The following PLEKHG4B variants were observed in gnomAD, a reference collection of about 807,000 sequenced individuals.
PLEKHG4B encodes pleckstrin homology and RhoGEF domain containing G4B.
PLEKHG4B carries 111 observed loss-of-function variants against 121.3 expected under a neutral mutation model. The ratio of observed to expected loss-of-function variants is 0.92; its 90% confidence interval spans 0.78 to 1.07. PLEKHG4B has a LOEUF of 1.07. Among genes scored for constraint, PLEKHG4B ranks in the 50% least tolerant of loss-of-function variants. PLEKHG4B has a pLI of 0.00. For synonymous variants in PLEKHG4B, 738 were observed against 725.0 expected (o/e 1.02, Z -0.29); for missense variants, 1,831 against 1,757.8 (o/e 1.04, Z -0.74).
At position 159,658 on chromosome 5, in the gene PLEKHG4B, C is replaced by A. The variant is rs932008423; in HGVS notation, c.2488-2125C>A. On this transcript the variant is annotated intron_variant, in intron 11 of 19. Transcript: ENST00000637938. The surrounding 1 kb of genome is among the most constrained non-coding windows in gnomAD (Gnocchi z 5.5). ...TGGCGCCAGAGGCTTTCCTGGCGAC[C>A]CCTGGCTAGGAAGCCTGTGGCCCAC... Among the ~76,000 whole-genome samples, 3 of 152,120 alleles carry A rather than the reference C, an allele frequency of 2.0e-5. No homozygotes were observed. The highest frequency in any genetic ancestry group is 4.8e-5 in the African/African-American group (2 of 41,426).
intron 2 of PLEKHG4B, among the ~76,000 whole-genome samples, chr5:131,562 C>T (rs902849914): frequency 3.3e-5 from 5 of 152,196 alleles, no homozygotes; most frequent in South Asian, 2.1e-4. Flanking sequence ...TGAATAGTGC[C>T]GCAGTAAACA....
intron 11 of PLEKHG4B, among the ~76,000 whole-genome samples, chr5:160,587 A>T (rs530820317): frequency 6.6e-6 from 1 of 152,076 alleles, no homozygotes; most frequent in African/African-American, 2.4e-5. Flanking sequence ...TCTAGGGTTG[A>T]TCATCACTTC....
intron 18 of PLEKHG4B, among the ~76,000 whole-genome samples, chr5:180,494 G>C (rs777187077): frequency 2.6e-5 from 4 of 152,220 alleles, no homozygotes; most frequent in Admixed American, 6.5e-5. Context: ...AGTGCCCTGA[G>C]GGGTAGAAAG....
At chr5:173,646 C>T (rs1168167864) in intron 17 of PLEKHG4B, among the ~76,000 whole-genome samples, 2 of 152,002 alleles carry the variant, frequency 1.3e-5, no homozygotes, top group African/African-American at 2.4e-5. Context: ...AGGGACAGTC[C>T]TGTACAGTCT....
At chr5:109,031 C>G (rs563217234) in intron 1 of PLEKHG4B, among the ~76,000 whole-genome samples, 7 of 152,272 alleles carry the variant, frequency 4.6e-5, no homozygotes, top group South Asian at 2.1e-4. Context: ...CATTCACCAC[C>G]CTGCTGTGCT....
Position 174,043 on chromosome 5 carries a change from T to C in PLEKHG4B, c.4347T>C (p.Ser1449=). ...ILQASSAEVK[S]AWTDVIGRIL... is the part of the protein sequence containing the mutation. ...AAGCAAGCTCGGCAGAGGTCAAGAGTGCATGGACCGATGTCATAGGGAGGA... is the reference window on the plus strand; with the variant it reads ...AAGCAAGCTCGGCAGAGGTCAAGAGCGCATGGACCGATGTCATAGGGAGGA... Residue 1449 remains serine, a synonymous_variant, in exon 18 of 20, where the codon AGT becomes AGC. Coordinates refer to ENST00000637938, the MANE Select transcript of PLEKHG4B (RefSeq NM_052909.5). The C allele has an allele frequency of 6.2e-7, 1 of 1,601,242 alleles. No individual in the cohort carries two copies. The highest frequency in any genetic ancestry group is 8.5e-7 in the Non-Finnish European group (1 of 1,175,110).
In PLEKHG4B at chr5:156,918, G is replaced by A; in HGVS notation, c.2487+7G>A. ...CCTGGAAGGGAATGACCAGGTCAGA[G>A]CTGCAGGAGGAAGGCGGCCCGGTCA... On this transcript the variant is annotated splice_region_variant and intron_variant, in intron 11 of 19. Coordinates refer to ENST00000637938, the MANE Select transcript of PLEKHG4B (RefSeq NM_052909.5). This position sits in a 1 kb window ranked among gnomAD's most constrained non-coding sequence, Gnocchi z 4.4. 1.2e-6 allele frequency: 2 copies of A among 1,611,386 alleles called. No homozygotes were observed.
At position 181,756 on chromosome 5, in the gene PLEKHG4B, G is replaced by A. The variant is rs184600943; in HGVS notation, c.4564+81G>A. 3,831 of 1,529,754 alleles carry A rather than the reference G, an allele frequency of 2.5e-3. 144 individuals carry two copies. The Admixed American group carries it at 0.066, about 26-fold the overall frequency. The allele number at this position is 1,529,754 out of a possible 1,614,324, so 94.8% of individuals were successfully genotyped here. A position where few individuals can be genotyped will look rare whatever the true frequency, so the allele number is the denominator to read the frequency against. Reference sequence around the variant, plus strand: ...TCAAGGGCATGGGTACGGTGGCATCGGCCCCACCCTCACTCGCCCACAGAG... The same window carrying A: ...TCAAGGGCATGGGTACGGTGGCATCAGCCCCACCCTCACTCGCCCACAGAG... On this transcript the variant is annotated intron_variant, in intron 19 of 19. Transcript: ENST00000637938.
chr5:150,025 C>T (rs913024796), intron 6 of PLEKHG4B, among the ~76,000 whole-genome samples: 1 of 152,112 alleles, frequency 6.6e-6, no homozygotes, highest in Non-Finnish European at 1.5e-5. Flanking sequence ...GGTATATACC[C>T]AAGAAATTGA....
chr5:112,779 G>C (rs529818652), intron 1 of PLEKHG4B, among the ~76,000 whole-genome samples: 4 of 152,356 alleles, frequency 2.6e-5, no homozygotes, highest in Non-Finnish European at 4.4e-5. Flanking sequence ...GCGTGGGCCA[G>C]CTTTGTCCTC....
In PLEKHG4B at chr5:160,451, C is replaced by T. The variant is rs576937505; in HGVS notation, c.2488-1332C>T. Among the ~76,000 whole-genome samples the T allele has an allele frequency of 5.3e-5, 8 of 152,156 alleles. No individual in the cohort carries two copies. In the East Asian group the frequency reaches 5.9e-4, roughly 11 times the overall value. On this transcript the variant is annotated intron_variant, in intron 11 of 19. Transcript: ENST00000637938. ...CGCACCTGCCTCCCGCCGGCTGCCC[C>T]GTGGGGAAATGGAGCCCCTAAACAG...
intron 1 of PLEKHG4B, among the ~76,000 whole-genome samples, chr5:107,511 A>G (rs908425876): frequency 6.6e-6 from 1 of 152,198 alleles, no homozygotes; most frequent in South Asian, 2.1e-4. Flanking sequence ...TCCCTTACCC[A>G]TCTGCTCATG....
rs772090730 is a variant in PLEKHG4B at position 173,080 on chromosome 5, C to G, written c.4221+13C>G. On this transcript the variant is annotated intron_variant, in intron 17 of 19. Transcript: ENST00000637938. ...GCAGTCCTTCAAGGTAGCACCCGCC[C>G]GGTCCGATTGGGTGCAGGCCGAGCC... The G allele has an allele frequency of 1.2e-6, 2 of 1,612,646 alleles. No homozygotes were observed. Among genetic ancestry groups the G allele is most frequent in the South Asian group, 1.1e-5 (1 of 91,012 alleles).
In PLEKHG4B at chr5:156,076, C is replaced by T. The variant is rs746721813; in HGVS notation, c.2214C>T (p.Val738=). ...THRTPRTAQE[V]AELIDQHETM... is the part of the protein sequence containing the mutation. ...TTCCTCCCCATCCCGTGCAGGAAGT[C>T]GCCGAGTTAATTGACCAGCATGAGA... Residue 738 remains valine (V), a synonymous_variant, in exon 10 of 20, where the codon GTC becomes GTT. Transcript: ENST00000637938. This position sits in a 1 kb window ranked among gnomAD's most constrained non-coding sequence, Gnocchi z 4.4. The T allele has an allele frequency of 4.4e-6, 7 of 1,578,412 alleles. No homozygotes were observed. Among genetic ancestry groups the T allele is most frequent in the African/African-American group, 1.4e-5 (1 of 72,706 alleles).
At chr5:150,811 ATACT>A (rs1255918549) in intron 6 of PLEKHG4B, among the ~76,000 whole-genome samples, 4 of 152,340 alleles carry the variant, frequency 2.6e-5, no homozygotes, top group Non-Finnish European at 2.9e-5. Context: ...ACTCTGGAAA[ATACT>A]TACTTATCAC....
chr5:178,372 C>T lies in PLEKHG4B; in HGVS notation c.4403-3142C>T, dbSNP rs112881999. Among the ~76,000 whole-genome samples, 57 of 152,312 alleles carry T rather than the reference C, an allele frequency of 3.7e-4. 1 individual carries two copies. The highest frequency in any genetic ancestry group is 1.3e-3 in the African/African-American group (52 of 41,560). Reference sequence around the variant, plus strand: ...ATGCCTGTCTAACTACCTGTAACAGCTTCGATTATTTGAAATGTTGTATAT... The same window carrying T: ...ATGCCTGTCTAACTACCTGTAACAGTTTCGATTATTTGAAATGTTGTATAT... On this transcript the variant is annotated intron_variant, in intron 18 of 19. Transcript: ENST00000637938.
chr5:167,470 A>T (rs1736389817), intron 13 of PLEKHG4B, among the ~76,000 whole-genome samples: 1 of 147,640 alleles, frequency 6.8e-6, no homozygotes, highest in African/African-American at 2.4e-5. Context: ...TCCCATTGGT[A>T]TCATCAGGAT....
At chr5:142,532 A>G (rs1306154310) in intron 3 of PLEKHG4B, among the ~76,000 whole-genome samples, 1 of 149,956 alleles carries the variant, frequency 6.7e-6, no homozygotes, top group Admixed American at 6.6e-5. Flanking sequence ...TCCAACGATC[A>G]CACTCCAGAG....
Position 156,724 on chromosome 5 carries a change from T to C in PLEKHG4B, c.2349-49T>C. The C allele has an allele frequency of 6.6e-7, 1 of 1,518,540 alleles. No individual in the cohort carries two copies. The highest frequency in any genetic ancestry group is 1.2e-5 in the South Asian group (1 of 80,746). The allele number at this position is 1,518,540 out of a possible 1,614,324, so 94.1% of individuals were successfully genotyped here. On this transcript the variant is annotated intron_variant, in intron 10 of 19. Coordinates refer to ENST00000637938, the MANE Select transcript of PLEKHG4B (RefSeq NM_052909.5). The surrounding 1 kb of genome is among the most constrained non-coding windows in gnomAD (Gnocchi z 4.4). The stretch of plus-strand genomic sequence containing the variant: ...ATATGGGGTTGTCACCAAGAGCAGA[T>C]TCCTCAAGGGGCCGCCTGGAAGCCT...
Sources: allele counts gnomAD v4.1 joint callset (sites outside exome capture counted in the v4.1 genomes callset), GRCh38; gene constraint gnomAD v4.1.1; non-coding constraint Gnocchi (gnomAD v3.1); transcripts MANE v1.5; gene names NCBI Gene and HGNC (gene_info 2026-07-23, HGNC 2026-07-21).